ANKFN1: variants seen among roughly 807,000 people sequenced by gnomAD.
ANKFN1 encodes ankyrin repeat and fibronectin type III domain containing 1.
A neutral mutation model predicts 108.7 loss-of-function variants in ANKFN1; 74 were observed. The observed-to-expected ratio is 0.68, with a 90% CI of 0.56 to 0.83. The LOEUF (loss-of-function observed/expected upper bound fraction) is 0.83, where lower values mean the gene tolerates loss of function less well. Ranked by LOEUF, ANKFN1 falls within the 40% of genes least tolerant of loss-of-function variation. ANKFN1 has a pLI of 0.00. For missense variants in ANKFN1, 1,505 were observed against 1,382.3 expected (o/e 1.09, Z -1.41); for synonymous variants, 547 against 516.2 (o/e 1.06, Z -0.81).
rs1379888958 is a variant in ANKFN1 at position 56,510,951 on chromosome 17, C to T, written c.3123C>T (p.Ala1041=). 3 of 1,536,180 alleles carry T rather than the reference C, an allele frequency of 2.0e-6. No individual in the cohort carries two copies. The highest frequency in any genetic ancestry group is 2.6e-6 in the Non-Finnish European group (3 of 1,146,912). ...EGIYTQHLSQ[A]CGLAQEPKEA... is the part of the protein sequence containing the mutation. ...TTTATACACAGCACCTGTCCCAGGC[C>T]TGTGGTCTGGCCCAGGAGCCCAAGG... is the stretch of plus-strand genomic sequence containing the variant. Residue 1041 remains alanine, a synonymous_variant, in exon 21 of 21, where the codon GCC becomes GCT. Coordinates refer to ENST00000682825, the MANE Select transcript of ANKFN1 (RefSeq NM_001370326.1).
intron 3 of ANKFN1, among the ~76,000 whole-genome samples, chr17:56,298,658 T>C (rs1189441753): frequency 6.6e-6 from 1 of 151,822 alleles, no homozygotes; most frequent in African/African-American, 2.4e-5. Flanking sequence ...TAGTTGTTTT[T>C]TCCTTAAGCA....
intron 3 of ANKFN1, among the ~76,000 whole-genome samples, chr17:56,277,308 T>C (rs1433643399): frequency 6.6e-6 from 1 of 152,216 alleles, no homozygotes; most frequent in East Asian, 1.9e-4. Flanking sequence ...TATAGGAATT[T>C]ACAATTCCAA....
chr17:56,103,193 G>A (rs567872330), intron 4 of ANKFN1, among the ~76,000 whole-genome samples: 14 of 152,236 alleles, frequency 9.2e-5, no homozygotes, highest in Admixed American at 4.6e-4. Flanking sequence ...GGTAATGAGC[G>A]ACATGAAAAG....
chr17:56,390,017 C>CT (rs561030641), intron 8 of ANKFN1, among the ~76,000 whole-genome samples: 1,672 of 148,970 alleles, frequency 0.011, 13 homozygotes, highest in Non-Finnish European at 0.018. Flanking sequence ...GAAGCATTTT[C>CT]TTTTTTTTTT....
At chr17:56,350,645 A>C (rs745915672) in intron 4 of ANKFN1, 121 bp from the exon 5 acceptor site, 120 of 902,888 alleles carry the variant, frequency 1.3e-4, no homozygotes, top group Non-Finnish European at 1.9e-4. Flanking sequence ...ATAATCTCTA[A>C]GGTCCCTACC....
chr17:56,203,791 T>C (rs1301475620), intron 1 of ANKFN1, among the ~76,000 whole-genome samples: 1 of 152,196 alleles, frequency 6.6e-6, no homozygotes, highest in Non-Finnish European at 1.5e-5. Flanking sequence ...TAAGTAACTA[T>C]TATGAGGCTC....
chr17:56,488,874 G>T (rs958209824), intron 18 of ANKFN1, among the ~76,000 whole-genome samples: 1 of 152,244 alleles, frequency 6.6e-6, no homozygotes, highest in African/African-American at 2.4e-5. Flanking sequence ...ACCACTAAAT[G>T]CCTCATTCTT....
At chr17:56,405,485 A>G (rs763955323) in intron 8 of ANKFN1, among the ~76,000 whole-genome samples, 6 of 152,222 alleles carry the variant, frequency 3.9e-5, no homozygotes, top group Non-Finnish European at 7.3e-5. Context: ...GGCAATATCT[A>G]TCAACATTAC....
At chr17:56,075,035 A>C (rs989406756) in intron 4 of ANKFN1, among the ~76,000 whole-genome samples, 1 of 152,226 alleles carries the variant, frequency 6.6e-6, no homozygotes, top group African/African-American at 2.4e-5. Flanking sequence ...GGTCCAGATT[A>C]AAAATGATAT....
intron 3 of ANKFN1, among the ~76,000 whole-genome samples, chr17:56,295,500 T>G (rs2044483817): frequency 2.0e-5 from 3 of 152,094 alleles, no homozygotes; most frequent in Admixed American, 2.0e-4. Context: ...GCCCAGCAGT[T>G]TTTAACAATC....
chr17:56,353,298 C>T (rs181204737), intron 5 of ANKFN1, among the ~76,000 whole-genome samples: 1 of 151,270 alleles, frequency 6.6e-6, no homozygotes, highest in Non-Finnish European at 1.5e-5. Flanking sequence ...TTCAGTGGCG[C>T]AATCTCAGCT....
chr17:56,265,136 A>G (rs771580060), intron 3 of ANKFN1, among the ~76,000 whole-genome samples: 2 of 152,210 alleles, frequency 1.3e-5, no homozygotes, highest in African/African-American at 2.4e-5. Flanking sequence ...AATCACAGGT[A>G]TTCTGAGAAC....
At chr17:56,131,872 T>C (rs1907303731) in intron 4 of ANKFN1, among the ~76,000 whole-genome samples, 1 of 152,160 alleles carries the variant, frequency 6.6e-6, no homozygotes, top group Non-Finnish European at 1.5e-5. Context: ...ACAATTTCTT[T>C]TAAAGATGAG....
intron 4 of ANKFN1, among the ~76,000 whole-genome samples, chr17:56,343,019 T>G (rs534485345): frequency 1.3e-5 from 2 of 152,220 alleles, no homozygotes; most frequent in South Asian, 4.1e-4. Flanking sequence ...TTAGACATTC[T>G]TGCTGAATTG....
At chr17:56,250,874 A>G (rs1191996596) in intron 3 of ANKFN1, among the ~76,000 whole-genome samples, 2 of 152,220 alleles carry the variant, frequency 1.3e-5, no homozygotes, top group African/African-American at 4.8e-5. Flanking sequence ...TTATTTATTG[A>G]GTGTATTTAT....
intron 20 of ANKFN1, among the ~76,000 whole-genome samples, chr17:56,505,327 T>C (rs909950071): frequency 2.0e-5 from 3 of 152,210 alleles, no homozygotes; most frequent in Admixed American, 6.5e-5. Context: ...TGTTTCAGTT[T>C]CAATTCCACT....
At chr17:56,266,458 C>T (rs1240017024) in intron 3 of ANKFN1, among the ~76,000 whole-genome samples, 1 of 152,146 alleles carries the variant, frequency 6.6e-6, no homozygotes, top group Non-Finnish European at 1.5e-5. Flanking sequence ...TAGCAATTAA[C>T]TAAGGTGATA....
At chr17:56,422,885 C>T (rs954538007) in intron 8 of ANKFN1, among the ~76,000 whole-genome samples, 5 of 152,226 alleles carry the variant, frequency 3.3e-5, no homozygotes, top group African/African-American at 4.8e-5. Flanking sequence ...TGCTAGACCA[C>T]GTGCTTGGTC....
intron 4 of ANKFN1, among the ~76,000 whole-genome samples, chr17:56,048,254 T>C (rs74839139): frequency 6.3e-4 from 96 of 152,146 alleles, no homozygotes; most frequent in African/African-American, 2.2e-3. Flanking sequence ...TATAGTTTTT[T>C]TCATAATTAT....
Sources: allele counts gnomAD v4.1 joint callset (sites outside exome capture counted in the v4.1 genomes callset), GRCh38; gene constraint gnomAD v4.1.1; transcripts MANE v1.5; gene names NCBI Gene and HGNC (gene_info 2026-07-23, HGNC 2026-07-21).